KIAA1217: variants seen among roughly 807,000 people sequenced by gnomAD.
KIAA1217 encodes the protein KIAA1217, also known as sickle tail protein homolog.
A neutral mutation model predicts 163.9 loss-of-function variants in KIAA1217; 88 were observed. That is an observed-to-expected ratio of 0.54 (90% CI 0.45 to 0.64). The LOEUF (loss-of-function observed/expected upper bound fraction) is 0.64, where lower values mean the gene tolerates loss of function less well. KIAA1217 is among the 30% of genes least tolerant of loss of function. KIAA1217 has a pLI of 0.00. For synonymous variants in KIAA1217, 903 were observed against 923.1 expected, an observed-to-expected ratio of 0.98 and a Z score of 0.39; for missense variants, 2,372 against 2,475.0, an observed-to-expected ratio of 0.96 and a Z score of 0.88.
chr10:24,366,337 C>T (rs2050778582), intron 2 of KIAA1217, among the ~76,000 whole-genome samples: 1 of 152,008 alleles, frequency 6.6e-6, no homozygotes, highest in Non-Finnish European at 1.5e-5. Context: ...CCCAGCTACT[C>T]CGGAGGCTGA....
At chr10:23,974,732 G>C (rs1355795436) in intron 1 of KIAA1217, among the ~76,000 whole-genome samples, 1 of 152,132 alleles carries the variant, frequency 6.6e-6, no homozygotes, top group South Asian at 2.1e-4. Flanking sequence ...ATCATTTATT[G>C]TTTATTGTCA....
At chr10:24,538,605 GAA>G (rs755125834) in intron 17 of KIAA1217, among the ~76,000 whole-genome samples, 1,448 of 64,748 alleles carry the variant, frequency 0.022, 21 homozygotes, top group South Asian at 0.041. Context: ...AGGAAGGAAG[GAA>G]AAAGAGAGGA....
intron 2 of KIAA1217, chr10:24,158,635 A>T: frequency 2.0e-6 from 1 of 509,642 alleles, no homozygotes; most frequent in South Asian, 1.5e-5. Context: ...ACCAATCAAA[A>T]CTTTAGGTAC....
At chr10:24,524,205 C>T in intron 12 of KIAA1217, 118 bp from the exon 13 acceptor site, 1 of 1,016,522 alleles carries the variant, frequency 9.8e-7, no homozygotes, top group Non-Finnish European at 1.5e-6. Context: ...CCCTAAGCGG[C>T]TACTCTGAGC....
intron 1 of KIAA1217, among the ~76,000 whole-genome samples, chr10:23,939,041 A>G (rs1843650348): frequency 1.3e-5 from 2 of 152,236 alleles, no homozygotes; most frequent in African/African-American, 2.4e-5. Context: ...ATTTGTATCA[A>G]GAAAGACATA....
intron 1 of KIAA1217, among the ~76,000 whole-genome samples, chr10:23,742,250 G>A (rs904771971): frequency 6.6e-6 from 1 of 152,178 alleles, no homozygotes; most frequent in African/African-American, 2.4e-5. Flanking sequence ...TTGATAGGGA[G>A]AAGTGTGAGG....
intron 3 of KIAA1217, among the ~76,000 whole-genome samples, chr10:24,417,775 T>G (rs4558072): frequency 0.16 from 24,093 of 151,972 alleles, 1,953 homozygotes; most frequent in Non-Finnish European, 0.18. Context: ...GCTTGAAAAA[T>G]TAGGGTGTCC....
intron 2 of KIAA1217, among the ~76,000 whole-genome samples, chr10:24,051,989 T>G (rs1849549416): frequency 6.6e-6 from 1 of 152,180 alleles, no homozygotes; most frequent in Non-Finnish European, 1.5e-5. Flanking sequence ...TTGTTTTTGT[T>G]GCATTTACTT....
intron 2 of KIAA1217, among the ~76,000 whole-genome samples, chr10:24,373,280 C>T (rs75495909): frequency 0.07 from 10,728 of 152,232 alleles, 507 homozygotes; most frequent in Middle Eastern, 0.14. Context: ...CCACCACTGA[C>T]ACCAAAACTG....
intron 1 of KIAA1217, among the ~76,000 whole-genome samples, chr10:23,744,172 G>A (rs1839274653): frequency 6.6e-6 from 1 of 152,288 alleles, no homozygotes; most frequent in African/African-American, 2.4e-5. Flanking sequence ...ATAGGGGATG[G>A]CCTTAGTGGT....
At chr10:24,138,983 C>A (rs148054743) in intron 2 of KIAA1217, among the ~76,000 whole-genome samples, 1 of 152,222 alleles carries the variant, frequency 6.6e-6, no homozygotes, top group East Asian at 1.9e-4. Context: ...ATGTCCTTTA[C>A]ATAGGCTCTG....
intron 2 of KIAA1217, among the ~76,000 whole-genome samples, chr10:24,008,770 C>CAGGGATCAG (rs1279602781): frequency 6.6e-6 from 1 of 152,144 alleles, no homozygotes; most frequent in Non-Finnish European, 1.5e-5. Context: ...AGGGAGAAGC[C>CAGGGATCAG]AGGGATCAGA....
chr10:24,105,721 T>C (rs1168871564), intron 2 of KIAA1217, among the ~76,000 whole-genome samples: 1 of 152,258 alleles, frequency 6.6e-6, no homozygotes, highest in Non-Finnish European at 1.5e-5. Flanking sequence ...GTATCTACTA[T>C]GTTCCAGGCA....
At chr10:24,384,757 C>T (rs927096026) in intron 3 of KIAA1217, among the ~76,000 whole-genome samples, 12 of 152,222 alleles carry the variant, frequency 7.9e-5, no homozygotes, top group Non-Finnish European at 1.8e-4. Context: ...AGGATGGTCT[C>T]GATCTCCTGA....
At chr10:24,278,854 C>CTTTTTTTTTTTT (rs11288814) in intron 2 of KIAA1217, among the ~76,000 whole-genome samples, 1 of 140,844 alleles carries the variant, frequency 7.1e-6, no homozygotes, top group Non-Finnish European at 1.5e-5. Context: ...ACTCAGATTA[C>CTTTTTTTTTTTT]TTTTTTTTTT....
At chr10:24,192,194 G>C (rs1436702172) in intron 2 of KIAA1217, among the ~76,000 whole-genome samples, 1 of 152,026 alleles carries the variant, frequency 6.6e-6, no homozygotes, top group Non-Finnish European at 1.5e-5. Context: ...GCAGAAGTAT[G>C]ATTAGAAGAT....
rs569400068 is a variant in KIAA1217, at chr10:23,930,045, T to A, written c.-320-77180T>A. Among the ~76,000 whole-genome samples the A allele has an allele frequency of 9.2e-5, 14 of 152,308 alleles. No homozygotes were observed. The South Asian group carries it at 2.7e-3, about 29-fold the overall frequency. ...TCCTTTTTCTACAACTTTGCTGGCA[T>A]CTGTTATTTTTTGACTTTTTTGCTA... On this transcript the variant is annotated intron_variant, in intron 1 of 18. Transcript: ENST00000376462.
chr10:23,854,657 T>C (rs1318334714), intron 1 of KIAA1217, among the ~76,000 whole-genome samples: 1 of 152,208 alleles, frequency 6.6e-6, no homozygotes, highest in Non-Finnish European at 1.5e-5. Context: ...CTAAGTCTCT[T>C]TGTAGTTCAC....
intron 3 of KIAA1217, among the ~76,000 whole-genome samples, chr10:24,386,911 G>A (rs1199526331): frequency 1.3e-5 from 2 of 152,190 alleles, no homozygotes; most frequent in Non-Finnish European, 2.9e-5. Flanking sequence ...CAAATGAAAA[G>A]AAGTATTGCT....
Sources: allele counts gnomAD v4.1 joint callset (sites outside exome capture counted in the v4.1 genomes callset), GRCh38; gene constraint gnomAD v4.1.1; transcripts MANE v1.5; gene names NCBI Gene and HGNC (gene_info 2026-07-23, HGNC 2026-07-21).